CR2: variants seen among roughly 807,000 people sequenced by gnomAD.
CR2 encodes complement receptor type 2.
In CR2, 96 loss-of-function variants were observed where a neutral mutation model predicts 123.0. The observed-to-expected ratio is 0.78, with a 90% CI of 0.66 to 0.93. The LOEUF is 0.93. Among genes scored for constraint, CR2 ranks in the 40% least tolerant of loss-of-function variants. The pLI, the probability that CR2 is intolerant of heterozygous loss-of-function variation, is 0.00. For missense variants in CR2, 1,258 were observed against 1,361.0 expected (o/e 0.92, Z 1.19); for synonymous variants, 484 against 469.5 (o/e 1.03, Z -0.40).
At chr1:207,471,792 G>A (rs1391900950) in intron 9 of CR2, 2 of 380,218 alleles carry the variant, frequency 5.3e-6, no homozygotes, top group South Asian at 4.3e-5. Flanking sequence ...CCACAGTTTA[G>A]TGGAGAGAGT....
intron 15 of CR2, among the ~76,000 whole-genome samples, chr1:207,477,359 A>G (rs992349603): frequency 6.6e-6 from 1 of 152,108 alleles, no homozygotes; most frequent in East Asian, 1.9e-4. Flanking sequence ...CCCCACCCCC[A>G]TGATCCAATG....
chr1:207,470,642 G>A (rs1658243520), intron 6 of CR2, 98 bp from the exon 7 acceptor site: 1 of 1,177,988 alleles, frequency 8.5e-7, no homozygotes, highest in Admixed American at 1.8e-5. Flanking sequence ...GCTGACGCCA[G>A]AGTGGAATTA....
chr1:207,467,556 A>G (rs898139843), intron 2 of CR2, among the ~76,000 whole-genome samples: 2 of 152,206 alleles, frequency 1.3e-5, no homozygotes, highest in Admixed American at 6.5e-5. Context: ...GCAATATTTG[A>G]CAAAAATTAT....
At chr1:207,485,418 G>T in intron 18 of CR2, 46 bp from the exon 19 acceptor site, 1 of 1,190,956 alleles carries the variant, frequency 8.4e-7, no homozygotes, top group South Asian at 1.2e-5. Flanking sequence ...ATTGAAACAT[G>T]GTCAATGAGT....
At position 207,454,358 on chromosome 1, in the gene CR2, A is replaced by G. The variant is rs986972366; in HGVS notation, c.-61A>G. 6.2e-6 allele frequency: 9 copies of G among 1,455,452 alleles called. No individual in the cohort carries two copies. The African/African-American group carries it at 7.0e-5, about 11-fold the overall frequency. The allele number at this position is 1,455,452 out of a possible 1,614,324, so 90.2% of individuals were successfully genotyped here. ...CTTGCTGCTCCAGCCTTGCCCTCCC[A>G]GAGCTGCCGGACGCTCGCGGGTCTC... On this transcript the variant is annotated 5_prime_UTR_variant, in exon 1 of 20. Transcript: ENST00000367057. The surrounding 1 kb of genome is among the most constrained non-coding windows in gnomAD (Gnocchi z 4.3).
rs1429259961 is a variant in CR2, at chr1:207,478,052, C to T, written c.3070C>T (p.Leu1024=). 2 of 1,613,874 alleles carry T rather than the reference C, an allele frequency of 1.2e-6. No homozygotes were observed. The highest frequency in any genetic ancestry group is 1.7e-5 in the Admixed American group (1 of 59,974). ...CQSDHQWNPP[L]AVCRSRSLAP... ...ATCGGATCACCAATGGAACCCTCCC[C>T]TGGCGGTTTGCAGATCCCGTAAGTA... The change falls in exon 16 of 20, where the codon CTG becomes TTG. Residue 1024 remains leucine, a synonymous_variant. Coordinates refer to ENST00000367057, the MANE Select transcript of CR2 (RefSeq NM_001006658.3).
chr1:207,483,867 C>A (rs1044723174), intron 18 of CR2, among the ~76,000 whole-genome samples: 8 of 151,786 alleles, frequency 5.3e-5, no homozygotes, highest in African/African-American at 1.9e-4. Flanking sequence ...AGCTGTGGAA[C>A]CAAAAAGAAC....
intron 17 of CR2, 137 bp from the exon 18 acceptor site, chr1:207,479,841 C>T: frequency 2.9e-6 from 2 of 699,634 alleles, no homozygotes; most frequent in Admixed American, 4.1e-5. Context: ...TTCAGGAATT[C>T]AGCATTTATG....
At chr1:207,468,978 TCTC>T (rs766055159) in intron 4 of CR2, 79 bp downstream of exon 4, 144 of 1,516,320 alleles carry the variant, frequency 9.5e-5, no homozygotes, top group East Asian at 9.0e-5. Context: ...CCTGCAGAAG[TCTC>T]CTCTGTGAGG....
Position 207,468,568 on chromosome 1 carries a change from G to A in CR2, c.487G>A (p.Gly163Arg), listed in dbSNP as rs760648455. The A allele has an allele frequency of 2.9e-5, 47 of 1,613,884 alleles. No homozygotes were observed. The highest frequency in any genetic ancestry group is 3.5e-5 in the Non-Finnish European group (41 of 1,179,910). The change falls in exon 3 of 20, where the codon GGA becomes AGA. Residue 163 changes from glycine (G) to arginine (R), a missense_variant. Physicochemically the swap from Gly to Arg is moderately radical, Grantham distance 125. Transcript: ENST00000367057. Reference protein sequence around the residue: ...ECPALPMIHNGHHTSENVGSI... With the variant: ...ECPALPMIHNRHHTSENVGSI... Reference sequence around the variant, plus strand: ...TCCAGCACTTCCTATGATCCACAATGGACATCACACAAGTGAGAATGTTGG... The same window carrying A: ...TCCAGCACTTCCTATGATCCACAATAGACATCACACAAGTGAGAATGTTGG...
intron 17 of CR2, 128 bp downstream of exon 17, chr1:207,479,408 A>G: frequency 1.4e-6 from 1 of 701,894 alleles, no homozygotes; most frequent in South Asian, 1.7e-5. Flanking sequence ...TTGGTGTTTT[A>G]AAGATACTTC....
chr1:207,468,393 A>G, intron 2 of CR2, 134 bp from the exon 3 acceptor site: 1 of 811,012 alleles, frequency 1.2e-6, no homozygotes, highest in Non-Finnish European at 2.0e-6. Flanking sequence ...GTTAGCGTAT[A>G]TTATGTGTGG....
intron 19 of CR2, among the ~76,000 whole-genome samples, chr1:207,487,749 G>A (rs544729276): frequency 1.3e-3 from 200 of 151,910 alleles, no homozygotes; most frequent in African/African-American, 4.4e-3. Context: ...AGAATTGCTC[G>A]AACAAGGTCT....
At chr1:207,460,371 T>G (rs1456355298) in intron 1 of CR2, among the ~76,000 whole-genome samples, 1 of 152,180 alleles carries the variant, frequency 6.6e-6, no homozygotes, top group East Asian at 1.9e-4. Context: ...TCTTTGTGAC[T>G]TCTCCAGTAG....
At position 207,476,505 on chromosome 1, in the gene CR2, G is replaced by A; in HGVS notation, c.2902+86G>A. 5.9e-6 allele frequency: 7 copies of A among 1,194,860 alleles called. No homozygotes were observed. The South Asian group carries it at 6.6e-5, about 11-fold the overall frequency. 74.0% of individuals were successfully genotyped at this position (1,194,860 alleles called of 1,614,324 possible). ...AGTTGGGTACTTTCAACTTAAAATAGCCAAAGAAATGAATTAACTGTCTGA... is the reference window on the plus strand; with the variant it reads ...AGTTGGGTACTTTCAACTTAAAATAACCAAAGAAATGAATTAACTGTCTGA... On this transcript the variant is annotated intron_variant, in intron 15 of 19. Coordinates refer to ENST00000367057, the MANE Select transcript of CR2 (RefSeq NM_001006658.3).
chr1:207,462,796 T>A lies in CR2; in HGVS notation c.59-3730T>A, dbSNP rs113995111. ...TGAGTTACAAAAAGGAAATGATCAC[T>A]GTGAGATTTTTAAGGCAGAAGACTT... is the stretch of plus-strand genomic sequence containing the variant. On this transcript the variant is annotated intron_variant, in intron 1 of 19. Transcript: ENST00000367057. 5.1e-3 allele frequency among the ~76,000 whole-genome samples: 773 copies of A among 152,240 alleles called. 1 individual carries two copies. Among genetic ancestry groups the A allele is most frequent in the Non-Finnish European group, 9.0e-3 (614 of 68,008 alleles).
At chr1:207,479,347 G>T in intron 17 of CR2, 67 bp downstream of exon 17, 1 of 1,111,658 alleles carries the variant, frequency 9.0e-7, no homozygotes, top group Non-Finnish European at 1.3e-6. Context: ...AATGCTAGAG[G>T]TCCTATATCC....
In CR2 at chr1:207,454,469, G is replaced by C; in HGVS notation, c.51G>C (p.Gly17=). The C allele has an allele frequency of 6.4e-7, 1 of 1,571,262 alleles. No homozygotes were observed. Residue 17 remains glycine (G), a synonymous_variant, in exon 1 of 20, where the codon GGG becomes GGC. Transcript: ENST00000367057. The surrounding 1 kb of genome is among the most constrained non-coding windows in gnomAD (Gnocchi z 4.3). The stretch of plus-strand genomic sequence containing the variant: ...TTTTCTTGGCTCTCGTCGCACCGGG[G>C]GTCCTCGGTGAGCTGGGAGGGGGAG... ...LGVFLALVAP[G]VLGISCGSPP...
chr1:207,473,635 G>A lies in CR2; in HGVS notation c.2069G>A (p.Cys690Tyr), dbSNP rs768852691. ...FVSGMTVDYTCDPGYLLVGNK... is the reference protein window; with the variant it reads ...FVSGMTVDYTYDPGYLLVGNK... Reference sequence around the variant, plus strand: ...TCTGGGATGACTGTAGACTACACTTGTGACCCTGGCTATTTGCTTGTGGGA... The same window carrying A: ...TCTGGGATGACTGTAGACTACACTTATGACCCTGGCTATTTGCTTGTGGGA... Residue 690 changes from cysteine to tyrosine, a missense_variant, in exon 11 of 20, where the codon TGT (cysteine) becomes TAT (tyrosine). Transcript: ENST00000367057. 6.2e-7 allele frequency: 1 copy of A among 1,614,032 alleles called. No individual in the cohort carries two copies. The highest frequency in any genetic ancestry group is 8.5e-7 in the Non-Finnish European group (1 of 1,179,906).
Sources: gnomAD v4.1 joint callset for allele counts (sites outside exome capture counted in the v4.1 genomes callset) on GRCh38, gnomAD v4.1.1 for gene constraint, Gnocchi (gnomAD v3.1) non-coding constraint, MANE v1.5 for transcripts, NCBI Gene and HGNC (gene_info 2026-07-23, HGNC 2026-07-21) for gene names.